TASP1: variants seen among roughly 807,000 people sequenced by gnomAD.
TASP1 encodes taspase 1.
TASP1 carries 16 observed loss-of-function variants against 56.6 expected under a neutral mutation model. The ratio of observed to expected loss-of-function variants is 0.28; its 90% confidence interval spans 0.19 to 0.43. The LOEUF (loss-of-function observed/expected upper bound fraction) is 0.43, where lower values mean the gene tolerates loss of function less well. TASP1 is among the 20% of genes least tolerant of loss of function. The pLI, the probability that TASP1 is intolerant of heterozygous loss-of-function variation, is 1.00. For synonymous variants in TASP1, 179 were observed against 184.2 expected, an observed-to-expected ratio of 0.97 and a Z score of 0.23; for missense variants, 393 against 511.6, an observed-to-expected ratio of 0.77 and a Z score of 2.24.
chr20:13,607,417 G>C (rs73270709), intron 4 of TASP1, among the ~76,000 whole-genome samples: 79 of 152,320 alleles, frequency 5.2e-4, no homozygotes, highest in African/African-American at 1.8e-3. Flanking sequence ...AATAATATAA[G>C]AACTGTTTGC....
intron 6 of TASP1, among the ~76,000 whole-genome samples, chr20:13,570,897 A>T (rs2046690223): frequency 6.6e-6 from 1 of 152,092 alleles, no homozygotes; most frequent in Admixed American, 6.5e-5. Flanking sequence ...AAAAAAACTG[A>T]TAAAAGAAAT....
chr20:13,196,713 A>G, the TASP1 span, among the ~76,000 whole-genome samples: 2 of 152,206 alleles, frequency 1.3e-5, no homozygotes, highest in African/African-American at 4.8e-5. Context: ...GTATTATTAA[A>G]AGTAATTTTA....
At chr20:13,543,049 G>C (rs1399318310) in intron 8 of TASP1, among the ~76,000 whole-genome samples, 1 of 152,130 alleles carries the variant, frequency 6.6e-6, no homozygotes, top group East Asian at 1.9e-4. Flanking sequence ...GAAAATACTT[G>C]AATGAATTCA....
chr20:13,361,117 C>G, the TASP1 span, among the ~76,000 whole-genome samples: 3 of 152,118 alleles, frequency 2.0e-5, no homozygotes, highest in Non-Finnish European at 2.9e-5. Context: ...TTCAGGCCCC[C>G]TCCCTTCCCT....
chr20:13,330,442 G>A, the TASP1 span, among the ~76,000 whole-genome samples: 5 of 149,926 alleles, frequency 3.3e-5, no homozygotes, highest in East Asian at 9.6e-4. Flanking sequence ...GTGGACTTTT[G>A]CATCTATATT....
At chr20:13,566,360 C>T (rs2046529277) in intron 7 of TASP1, among the ~76,000 whole-genome samples, 1 of 151,504 alleles carries the variant, frequency 6.6e-6, no homozygotes, top group African/African-American at 2.4e-5. Context: ...TTAAAAAGAA[C>T]TACAAAAAAA....
chr20:13,204,446 A>G, the TASP1 span, among the ~76,000 whole-genome samples: 1 of 152,080 alleles, frequency 6.6e-6, no homozygotes, highest in Non-Finnish European at 1.5e-5. Context: ...AATAATTTTA[A>G]CAAGGTGTTG....
the TASP1 span, among the ~76,000 whole-genome samples, chr20:13,378,548 C>G: frequency 2.0e-5 from 3 of 152,118 alleles, no homozygotes; most frequent in Non-Finnish European, 4.4e-5. Flanking sequence ...ATTGTCTATT[C>G]TGTTGATTTG....
the TASP1 span, among the ~76,000 whole-genome samples, chr20:13,343,590 C>T: frequency 6.8e-6 from 1 of 147,906 alleles, no homozygotes; most frequent in African/African-American, 2.5e-5. Context: ...CCGCCCCCGC[C>T]CCCGCCCCCA....
the TASP1 span, among the ~76,000 whole-genome samples, chr20:13,367,628 A>G: frequency 6.6e-6 from 1 of 152,222 alleles, no homozygotes; most frequent in Non-Finnish European, 1.5e-5. Context: ...GGCTTATGTA[A>G]AAATTGATGA....
chr20:13,489,350 G>A lies in TASP1; in HGVS notation c.875-6013C>T, dbSNP rs945506071. Among the ~76,000 whole-genome samples the A allele has an allele frequency of 4.6e-5, 7 of 152,096 alleles. 1 individual carries two copies. The highest frequency in any genetic ancestry group is 2.6e-4 in the Admixed American group (4 of 15,254). On this transcript the variant is annotated intron_variant, in intron 10 of 13. Transcript: ENST00000337743. ...ACTACAAGGGGCCTGTGAAATATAGGGGAATATATGGATCTTCAGAGAGCA... is the reference window on the plus strand; with the variant it reads ...ACTACAAGGGGCCTGTGAAATATAGAGGAATATATGGATCTTCAGAGAGCA...
rs1600856234 is a variant in TASP1 at position 13,458,025 on chromosome 20, T to C, written c.986-22871A>G. 3.3e-5 allele frequency among the ~76,000 whole-genome samples: 5 copies of C among 152,192 alleles called. No homozygotes were observed. The South Asian group carries it at 6.2e-4, about 19-fold the overall frequency. On this transcript the variant is annotated intron_variant, in intron 11 of 13. Transcript: ENST00000337743. The stretch of plus-strand genomic sequence containing the variant: ...CATTTGTAAGTTTTCAATTATTGCA[T>C]TGTCACCAAAAGAGTACTAAATATA...
chr20:13,298,773 C>T, the TASP1 span, among the ~76,000 whole-genome samples: 54 of 152,240 alleles, frequency 3.5e-4, no homozygotes, highest in African/African-American at 1.3e-3. Context: ...TGCCAGGGGG[C>T]TGCAGGGGTG....
At chr20:13,332,036 A>T in the TASP1 span, among the ~76,000 whole-genome samples, 60 of 152,262 alleles carry the variant, frequency 3.9e-4, 1 homozygote, top group African/African-American at 1.4e-3. Flanking sequence ...ATCCTCAAGT[A>T]ATTTCCAGTA....
intron 12 of TASP1, among the ~76,000 whole-genome samples, chr20:13,427,015 G>A (rs1351871990): frequency 6.6e-6 from 1 of 152,130 alleles, no homozygotes; most frequent in African/African-American, 2.4e-5. Context: ...GCTAATTTGT[G>A]TTCTCTTTGA....
At chr20:13,331,325 C>A in the TASP1 span, among the ~76,000 whole-genome samples, 4 of 152,174 alleles carry the variant, frequency 2.6e-5, no homozygotes, top group Non-Finnish European at 5.9e-5. Context: ...ACATTCCCAA[C>A]AAACTATAGA....
the TASP1 span, among the ~76,000 whole-genome samples, chr20:13,361,218 G>A: frequency 6.6e-6 from 1 of 152,114 alleles, no homozygotes; most frequent in Non-Finnish European, 1.5e-5. Context: ...ATACCTCTTA[G>A]TCTAGGTAGA....
At chr20:13,493,357 A>G (rs2043607354) in intron 10 of TASP1, among the ~76,000 whole-genome samples, 1 of 152,174 alleles carries the variant, frequency 6.6e-6, no homozygotes, top group South Asian at 2.1e-4. Context: ...ACCCACCCTC[A>G]ATGTGGGTAG....
the TASP1 span, among the ~76,000 whole-genome samples, chr20:13,198,806 C>G: frequency 1.2e-5 from 1 of 85,884 alleles, no homozygotes; most frequent in South Asian, 4.0e-4. Context: ...TTCTTTCTTT[C>G]TTTCTTTCTT....
Sources: allele counts gnomAD v4.1 joint callset (sites outside exome capture counted in the v4.1 genomes callset), GRCh38; gene constraint gnomAD v4.1.1; transcripts MANE v1.5; gene names NCBI Gene and HGNC (gene_info 2026-07-23, HGNC 2026-07-21).